Variants in FRYL observed in about 807,000 individuals in gnomAD.
FRYL encodes the protein protein furry homolog-like.
FRYL carries 150 observed loss-of-function variants against 351.2 expected under a neutral mutation model. The ratio of observed to expected loss-of-function variants is 0.43; its 90% CI spans 0.37 to 0.49. FRYL has a LOEUF of 0.49. Ranked by LOEUF, FRYL falls within the 20% of genes least tolerant of loss-of-function variation. The pLI, the probability that FRYL is intolerant of heterozygous loss-of-function variation, is 0.00. For synonymous variants in FRYL, 1,153 were observed against 1,257.1 expected (o/e 0.92, Z 1.75); for missense variants, 3,036 against 3,619.3 (o/e 0.84, Z 4.13).
At chr4:48,662,171 G>A (rs745434909) in intron 3 of FRYL, among the ~76,000 whole-genome samples, 1 of 152,194 alleles carries the variant, frequency 6.6e-6, no homozygotes, top group Non-Finnish European at 1.5e-5. Flanking sequence ...CAGGCACAGT[G>A]GCTGACACGT....
intron 1 of FRYL, among the ~76,000 whole-genome samples, chr4:48,715,053 C>A (rs1378314399): frequency 6.6e-6 from 1 of 152,130 alleles, no homozygotes; most frequent in Non-Finnish European, 1.5e-5. Flanking sequence ...GCAGAACAGG[C>A]CTTTGACTAA....
intron 26 of FRYL, 88 bp from the exon 27 acceptor site, chr4:48,571,006 G>T: frequency 1.9e-6 from 2 of 1,040,692 alleles, no homozygotes; most frequent in Non-Finnish European, 2.9e-6. Context: ...GAGGTTCTGG[G>T]CTCATTGAAG....
chr4:48,737,864 G>A (rs1771617586), intron 1 of FRYL, among the ~76,000 whole-genome samples: 1 of 152,182 alleles, frequency 6.6e-6, no homozygotes, highest in Non-Finnish European at 1.5e-5. Context: ...AATAAGTCAT[G>A]TGATCATATA....
chr4:48,551,700 A>T, intron 36 of FRYL, 122 bp from the exon 37 acceptor site: 3 of 639,388 alleles, frequency 4.7e-6, no homozygotes, highest in Non-Finnish European at 8.0e-6. Context: ...TCATTTAAAA[A>T]AAGGAATGTA....
chr4:48,536,064 C>G (rs148579038), intron 47 of FRYL, among the ~76,000 whole-genome samples: 1 of 152,136 alleles, frequency 6.6e-6, no homozygotes, highest in Admixed American at 6.5e-5. Flanking sequence ...AATAGTACGG[C>G]CTTCTTCAGT....
At chr4:48,538,197 A>AT (rs958638439) in intron 47 of FRYL, among the ~76,000 whole-genome samples, 2 of 152,184 alleles carry the variant, frequency 1.3e-5, no homozygotes, top group Admixed American at 1.3e-4. Context: ...GATTAGTTTA[A>AT]TAAAAACCAA....
chr4:48,660,626 T>C (rs1471451600), intron 3 of FRYL, among the ~76,000 whole-genome samples: 1 of 152,022 alleles, frequency 6.6e-6, no homozygotes, highest in African/African-American at 2.4e-5. Flanking sequence ...CCTAGGGAAA[T>C]AAAAACAGGA....
intron 3 of FRYL, among the ~76,000 whole-genome samples, chr4:48,674,265 T>TTA (rs774810931): frequency 2.6e-4 from 40 of 152,082 alleles, no homozygotes; most frequent in Non-Finnish European, 3.2e-4. Context: ...CCACCAACAT[T>TTA]TATACCTGAA....
chr4:48,738,984 T>C (rs1468502266), intron 1 of FRYL, among the ~76,000 whole-genome samples: 3 of 151,952 alleles, frequency 2.0e-5, no homozygotes, highest in Non-Finnish European at 4.4e-5. Flanking sequence ...AAGAACAAGG[T>C]TGGAGGACTA....
chr4:48,531,409 C>A lies in FRYL; in HGVS notation c.6706-56G>T, dbSNP rs1560547616. ...TTACAAATGCACATTCAACTAAGAA[C>A]AACAATTTACTGTACACCATAAAAA... On this transcript the variant is annotated intron_variant, in intron 49 of 63. Transcript: ENST00000358350. The A allele has an allele frequency of 2.9e-6, 3 of 1,019,982 alleles. No individual in the cohort carries two copies. The East Asian group carries it at 7.1e-5, about 24-fold the overall frequency. 63.2% of individuals were successfully genotyped at this position (1,019,982 alleles called of 1,614,324 possible). A position where few individuals can be genotyped will look rare whatever the true frequency, so the allele number is the denominator to read the frequency against.
At chr4:48,633,327 G>A (rs1753626751) in intron 4 of FRYL, among the ~76,000 whole-genome samples, 1 of 152,048 alleles carries the variant, frequency 6.6e-6, no homozygotes, top group South Asian at 2.1e-4. Flanking sequence ...TACGTCATTG[G>A]CAATAATAAT....
chr4:48,557,174 A>T, intron 34 of FRYL, 56 bp from the exon 35 acceptor site: 2 of 1,534,292 alleles, frequency 1.3e-6, no homozygotes, highest in Non-Finnish European at 1.8e-6. Flanking sequence ...TATAAAAACC[A>T]AACTTGTCAT....
At chr4:48,656,893 A>C (rs1759340400) in intron 3 of FRYL, among the ~76,000 whole-genome samples, 1 of 152,072 alleles carries the variant, frequency 6.6e-6, no homozygotes, top group South Asian at 2.1e-4. Flanking sequence ...TATGTAGACT[A>C]ACTCAATAGG....
At chr4:48,731,707 G>A (rs190434650) in intron 1 of FRYL, among the ~76,000 whole-genome samples, 14 of 152,286 alleles carry the variant, frequency 9.2e-5, no homozygotes, top group African/African-American at 2.6e-4. Context: ...TTAATAAATG[G>A]TGTTGGGAAA....
At chr4:48,655,382 A>C (rs1201753256) in intron 3 of FRYL, among the ~76,000 whole-genome samples, 2 of 152,124 alleles carry the variant, frequency 1.3e-5, no homozygotes, top group South Asian at 2.1e-4. Context: ...ATTTCTCCTC[A>C]TATAATGGAA....
chr4:48,601,089 T>C (rs1181275595), intron 13 of FRYL, among the ~76,000 whole-genome samples: 2 of 152,096 alleles, frequency 1.3e-5, no homozygotes, highest in Non-Finnish European at 2.9e-5. Context: ...TCCTGAAATA[T>C]GAAAGAAGAT....
chr4:48,527,910 C>A, intron 52 of FRYL, 61 bp downstream of exon 52: 8 of 1,303,008 alleles, frequency 6.1e-6, no homozygotes, highest in Non-Finnish European at 8.5e-6. Flanking sequence ...GGAGACAGAT[C>A]ATTTCTTCAA....
At chr4:48,611,957 C>A (rs187928605) in intron 7 of FRYL, among the ~76,000 whole-genome samples, 192 of 152,224 alleles carry the variant, frequency 1.3e-3, no homozygotes, top group Admixed American at 8.6e-3. Flanking sequence ...AAGCAGCATA[C>A]AATCTAGTGA....
chr4:48,542,833 T>C (rs189010773), intron 44 of FRYL, among the ~76,000 whole-genome samples: 15 of 152,238 alleles, frequency 9.9e-5, no homozygotes, highest in African/African-American at 3.4e-4. Flanking sequence ...TGCCCTCTCT[T>C]GCCTCCACTC....
Sources: allele counts gnomAD v4.1 joint callset (sites outside exome capture counted in the v4.1 genomes callset), GRCh38; gene constraint gnomAD v4.1.1; transcripts MANE v1.5; gene names NCBI Gene and HGNC (gene_info 2026-07-23, HGNC 2026-07-21).